The following SOX6 variants were observed in gnomAD, a reference collection of about 807,000 sequenced individuals.
SOX6 encodes the protein transcription factor SOX-6.
SOX6 carries 11 observed loss-of-function variants against 97.8 expected under a neutral mutation model. That is an observed-to-expected ratio of 0.11 (90% confidence interval 0.07 to 0.19). The LOEUF (loss-of-function observed/expected upper bound fraction) is 0.19. SOX6 is among the 10% of genes least tolerant of loss of function. The pLI is 1.00. For synonymous variants in SOX6, 360 were observed against 371.4 expected, an observed-to-expected ratio of 0.97 and a Z score of 0.35; for missense variants, 810 against 1,039.5, an observed-to-expected ratio of 0.78 and a Z score of 3.04.
At chr11:16,308,500 C>A (rs892734036) in intron 3 of SOX6, among the ~76,000 whole-genome samples, 3 of 152,036 alleles carry the variant, frequency 2.0e-5, no homozygotes, top group African/African-American at 7.2e-5. Flanking sequence ...CAATCCCAAG[C>A]CAATATCTGT....
At chr11:16,716,806 T>TA (rs35279555) in intron 2 of SOX6, among the ~76,000 whole-genome samples, 81,935 of 151,686 alleles carry the variant, frequency 0.54, 22,813 homozygotes, top group Admixed American at 0.63. Context: ...AAGTTAGATA[T>TA]AAAAAAATTG....
intron 4 of SOX6, among the ~76,000 whole-genome samples, chr11:16,602,582 T>G (rs1848283537): frequency 6.6e-6 from 1 of 152,216 alleles, no homozygotes; most frequent in Non-Finnish European, 1.5e-5. Context: ...CTTCCAAAAC[T>G]GCACGGAAGA....
intron 3 of SOX6, among the ~76,000 whole-genome samples, chr11:16,663,992 C>T (rs1401890955): frequency 6.6e-6 from 1 of 152,116 alleles, no homozygotes; most frequent in Non-Finnish European, 1.5e-5. Flanking sequence ...GAAGACTCCA[C>T]TGGCCAGGTG....
At chr11:16,146,586 T>A (rs919947008) in intron 6 of SOX6, among the ~76,000 whole-genome samples, 2 of 151,810 alleles carry the variant, frequency 1.3e-5, no homozygotes, top group East Asian at 1.9e-4. Context: ...TGGGAGAAAA[T>A]TTTTGCAATC....
chr11:16,091,043 G>A (rs1303593960), intron 9 of SOX6, among the ~76,000 whole-genome samples: 1 of 152,036 alleles, frequency 6.6e-6, no homozygotes, highest in Non-Finnish European at 1.5e-5. Context: ...AGACAACAGA[G>A]CAAGAAAGTT....
intron 13 of SOX6, among the ~76,000 whole-genome samples, chr11:16,012,087 G>C (rs1322130308): frequency 6.6e-6 from 1 of 152,068 alleles, no homozygotes; most frequent in Non-Finnish European, 1.5e-5. Flanking sequence ...AGGCACTCAA[G>C]AAATGTTGGC....
At chr11:16,685,753 A>G (rs757226068) in intron 3 of SOX6, among the ~76,000 whole-genome samples, 2 of 152,250 alleles carry the variant, frequency 1.3e-5, no homozygotes, top group Non-Finnish European at 2.9e-5. Flanking sequence ...CCGCTAGGCA[A>G]TGCCCCAGTA....
intron 3 of SOX6, among the ~76,000 whole-genome samples, chr11:16,710,134 T>C (rs1387704919): frequency 6.6e-6 from 1 of 152,236 alleles, no homozygotes; most frequent in Non-Finnish European, 1.5e-5. Context: ...AAATATTTTC[T>C]GTTTTATAGG....
At chr11:16,161,526 C>T (rs1850749077) in intron 6 of SOX6, among the ~76,000 whole-genome samples, 1 of 152,000 alleles carries the variant, frequency 6.6e-6, no homozygotes, top group Admixed American at 6.6e-5. Flanking sequence ...ACAAAAATCA[C>T]ATCCAATGCA....
At chr11:16,330,976 T>C (rs1856274096) in intron 2 of SOX6, among the ~76,000 whole-genome samples, 1 of 152,102 alleles carries the variant, frequency 6.6e-6, no homozygotes, top group South Asian at 2.1e-4. Flanking sequence ...ATTTATGGCA[T>C]TGAGAAATAA....
At chr11:16,462,630 A>G (rs773123219) in intron 1 of SOX6, among the ~76,000 whole-genome samples, 1 of 152,200 alleles carries the variant, frequency 6.6e-6, no homozygotes, top group Non-Finnish European at 1.5e-5. Context: ...ATTAATAACA[A>G]TGAAAAAAAT....
chr11:16,225,410 T>G (rs562141500), intron 4 of SOX6, among the ~76,000 whole-genome samples: 1 of 150,962 alleles, frequency 6.6e-6, no homozygotes, highest in Non-Finnish European at 1.5e-5. Context: ...CCATAGCTCT[T>G]GTAAAACCAC....
chr11:16,086,658 T>C (rs1298331343), intron 9 of SOX6, among the ~76,000 whole-genome samples: 1 of 152,102 alleles, frequency 6.6e-6, no homozygotes, highest in Non-Finnish European at 1.5e-5. Flanking sequence ...ACTTTGAAAC[T>C]ATAAGACAGG....
intron 3 of SOX6, among the ~76,000 whole-genome samples, chr11:16,709,318 G>T (rs1445061330): frequency 6.6e-6 from 1 of 151,998 alleles, no homozygotes; most frequent in Non-Finnish European, 1.5e-5. Context: ...AGGAGTTCGA[G>T]ACCAGCCTGG....
At chr11:16,015,447 A>G (rs1485610697) in intron 12 of SOX6, 1 of 201,144 alleles carries the variant, frequency 5.0e-6, no homozygotes, top group Non-Finnish European at 1.0e-5. Flanking sequence ...TCATTTAGAG[A>G]TCATAGTTTG....
chr11:16,468,147 G>A (rs1391175505), intron 1 of SOX6, among the ~76,000 whole-genome samples: 5 of 151,924 alleles, frequency 3.3e-5, no homozygotes, highest in Admixed American at 6.6e-5. Context: ...TTTCTCCATC[G>A]GGCACTGAAT....
At chr11:16,512,984 T>G (rs986473775) in intron 4 of SOX6, among the ~76,000 whole-genome samples, 1 of 152,132 alleles carries the variant, frequency 6.6e-6, no homozygotes, top group African/African-American at 2.4e-5. Flanking sequence ...GAAATGTATA[T>G]GCAATCTAGA....
intron 6 of SOX6, among the ~76,000 whole-genome samples, chr11:16,131,507 T>G (rs1849738628): frequency 6.6e-6 from 1 of 152,084 alleles, no homozygotes; most frequent in Non-Finnish European, 1.5e-5. Flanking sequence ...CTGGTTGGAA[T>G]TAAAAATGAT....
intron 3 of SOX6, among the ~76,000 whole-genome samples, chr11:16,714,451 C>CTTT (rs761435639): frequency 1.1e-4 from 13 of 116,368 alleles, no homozygotes; most frequent in East Asian, 2.5e-4. Flanking sequence ...AATTTTCTTT[C>CTTT]TTTTTTTTTT....
Sources: gnomAD v4.1 joint callset for allele counts (sites outside exome capture counted in the v4.1 genomes callset) on GRCh38, gnomAD v4.1.1 for gene constraint, MANE v1.5 for transcripts, NCBI Gene and HGNC (gene_info 2026-07-23, HGNC 2026-07-21) for gene names.